SPNS3: variants seen among roughly 807,000 people sequenced by gnomAD.
The protein encoded by SPNS3 is SPNS lysolipid transporter 3, sphingosine-1-phosphate (putative).
SPNS3 carries 51 observed loss-of-function variants against 54.4 expected under a neutral mutation model. The observed-to-expected ratio is 0.94, with a 90% CI of 0.75 to 1.18. The LOEUF (loss-of-function observed/expected upper bound fraction) is 1.18, where lower values mean the gene tolerates loss of function less well. Among genes scored for constraint, SPNS3 ranks in the 50% most tolerant of loss-of-function variants. The pLI, the probability that SPNS3 is intolerant of heterozygous loss-of-function variation, is 0.00. For synonymous variants in SPNS3, 309 were observed against 294.7 expected, an observed-to-expected ratio of 1.05 and a Z score of -0.50; for missense variants, 669 against 677.4, an observed-to-expected ratio of 0.99 and a Z score of 0.14.
At chr17:4,461,019 A>G (rs984277316) in intron 8 of SPNS3, among the ~76,000 whole-genome samples, 12 of 152,150 alleles carry the variant, frequency 7.9e-5, no homozygotes, top group African/African-American at 2.4e-4. Context: ...TGCTAACTCA[A>G]TATTTACTTG....
chr17:4,448,053 C>T, intron 5 of SPNS3, 102 bp from the exon 6 acceptor site: 1 of 1,226,950 alleles, frequency 8.2e-7, no homozygotes, highest in Non-Finnish European at 1.1e-6. Context: ...GCTTGGAAAC[C>T]AGAGGTCAGC....
rs9900971 is a variant in SPNS3, at chr17:4,446,804, C to G, written c.555-92C>G. On this transcript the variant is annotated intron_variant, in intron 4 of 11. Coordinates refer to ENST00000355530, the MANE Select transcript of SPNS3 (RefSeq NM_182538.5). ...CCTGCAGAGAGCCAGCTCCCTGGGG[C>G]GTGGGGGGGGCACCCTGGGTCAGGC... 2.5e-6 allele frequency: 3 copies of G among 1,209,826 alleles called. No individual in the cohort carries two copies. The Admixed American group carries it at 5.2e-5, about 21-fold the overall frequency. The allele number at this position is 1,209,826 out of a possible 1,614,324, so 74.9% of individuals were successfully genotyped here.
intron 2 of SPNS3, among the ~76,000 whole-genome samples, chr17:4,443,317 G>A (rs529489760): frequency 2.6e-5 from 4 of 152,142 alleles, no homozygotes; most frequent in African/African-American, 9.6e-5. Flanking sequence ...GTGATCCACC[G>A]GCCTTGGCTT....
At chr17:4,444,014 T>A (rs1249794847) in intron 2 of SPNS3, among the ~76,000 whole-genome samples, 1 of 152,160 alleles carries the variant, frequency 6.6e-6, no homozygotes, top group Non-Finnish European at 1.5e-5. Context: ...GATGGGAGGA[T>A]GGCTTGAGGC....
chr17:4,438,667 G>A (rs1255018933), intron 1 of SPNS3, among the ~76,000 whole-genome samples: 1 of 152,252 alleles, frequency 6.6e-6, no homozygotes, highest in Non-Finnish European at 1.5e-5. Flanking sequence ...GTCTTTTTAT[G>A]TACATGTTCA....
At chr17:4,478,265 C>T (rs1328823536) in intron 8 of SPNS3, among the ~76,000 whole-genome samples, 1 of 152,080 alleles carries the variant, frequency 6.6e-6, no homozygotes, top group Non-Finnish European at 1.5e-5. Flanking sequence ...AGCCACCGTG[C>T]CTGGCTTAAA....
At position 4,434,102 on chromosome 17, in the gene SPNS3, C is replaced by G; in HGVS notation, c.135C>G (p.Tyr45Ter). ...GGAGCCTGCCCCCGTGGAGGGCCTA[C>G]GTGGCTGCCGCCGTCCTCTGCTACA... The part of the protein sequence containing the change: ...TSWSLPPWRA[Y>*]VAAAVLCYIN... Residue 45 changes from tyrosine to a stop codon, truncating the protein, a stop_gained, in exon 1 of 12, where the codon TAC becomes TAG. Transcript: ENST00000355530. LOFTEE classifies it high-confidence loss of function. 1.9e-6 allele frequency: 3 copies of G among 1,612,402 alleles called. No homozygotes were observed. Among genetic ancestry groups the G allele is most frequent in the Non-Finnish European group, 2.5e-6 (3 of 1,179,314 alleles).
intron 4 of SPNS3, 173 bp from the exon 5 acceptor site, chr17:4,446,723 G>A: frequency 1.6e-6 from 1 of 644,618 alleles, no homozygotes; most frequent in South Asian, 1.7e-5. Context: ...CCTGACCGAG[G>A]GCAGTGGACA....
chr17:4,439,699 A>C lies in SPNS3; in HGVS notation c.241A>C (p.Asn81His). ...DIQEVFQISD[N>H]HAGLLQTVFV... Reference sequence around the variant, plus strand: ...ACAGGAGGTTTTCCAGATCAGTGACAACCATGCTGGTTTGCTTCAGACTGG... The same window carrying C: ...ACAGGAGGTTTTCCAGATCAGTGACCACCATGCTGGTTTGCTTCAGACTGG... The change falls in exon 2 of 12, where the codon AAC (asparagine) becomes CAC (histidine). Residue 81 changes from asparagine (N) to histidine (H), a missense_variant. Physicochemically the swap from Asn to His is moderately conservative, Grantham distance 68 (BLOSUM62 1). Coordinates refer to ENST00000355530, the MANE Select transcript of SPNS3 (RefSeq NM_182538.5). 3 of 1,613,404 alleles carry C rather than the reference A, an allele frequency of 1.9e-6. No individual in the cohort carries two copies. The highest frequency in any genetic ancestry group is 2.5e-6 in the Non-Finnish European group (3 of 1,179,768).
At chr17:4,456,011 C>G (rs948557147) in intron 8 of SPNS3, among the ~76,000 whole-genome samples, 1 of 152,038 alleles carries the variant, frequency 6.6e-6, no homozygotes, top group Non-Finnish European at 1.5e-5. Flanking sequence ...GATGGGGGCT[C>G]TCACTATGTT....
At position 4,453,130 on chromosome 17, in the gene SPNS3, C is replaced by G; in HGVS notation, c.1038C>G (p.Ala346=). 1 of 1,614,116 alleles carries G rather than the reference C, an allele frequency of 6.2e-7. No homozygotes were observed. The highest frequency in any genetic ancestry group is 8.5e-7 in the Non-Finnish European group (1 of 1,180,018). The change falls in exon 8 of 12, where the codon GCC becomes GCG. Residue 346 remains alanine, a synonymous_variant. Coordinates refer to ENST00000355530, the MANE Select transcript of SPNS3 (RefSeq NM_182538.5). The part of the protein sequence containing the change: ...VIPGAEPLIC[A]SSLLATAPCL... ...CAGGAGCTGAGCCCCTCATCTGCGCCTCCAGCCTGCTTGCCACAGCCCCCT... is the reference window on the plus strand; with the variant it reads ...CAGGAGCTGAGCCCCTCATCTGCGCGTCCAGCCTGCTTGCCACAGCCCCCT...
intron 8 of SPNS3, 101 bp downstream of exon 8, chr17:4,453,306 T>C (rs1971219872): frequency 8.9e-7 from 1 of 1,118,094 alleles, no homozygotes; most frequent in Admixed American, 2.3e-5. Context: ...ACAATTATGT[T>C]GATCACTCCT....
chr17:4,447,609 G>A (rs1971033159), intron 5 of SPNS3, among the ~76,000 whole-genome samples: 1 of 152,188 alleles, frequency 6.6e-6, no homozygotes, highest in African/African-American at 2.4e-5. Flanking sequence ...GGAATTTTGG[G>A]GGTGGGGTGG....
rs376740216 is a variant in SPNS3, at chr17:4,446,045, C to T, written c.403-3C>T. 6.2e-7 allele frequency: 1 copy of T among 1,602,632 alleles called. No individual in the cohort carries two copies. The highest frequency in any genetic ancestry group is 8.5e-7 in the Non-Finnish European group (1 of 1,172,036). ...CACCGTGGTCTTGTGCCTGCTCGCC[C>T]AGTATTCTTGGCTCTTCTTCCTGTC... On this transcript the variant is annotated splice_polypyrimidine_tract_variant and splice_region_variant and intron_variant, in intron 3 of 11. Transcript: ENST00000355530.
chr17:4,442,530 C>CA (rs147092893), intron 2 of SPNS3, among the ~76,000 whole-genome samples: 6,122 of 141,640 alleles, frequency 0.043, 307 homozygotes, highest in African/African-American at 0.13. Flanking sequence ...AAGACTGTCT[C>CA]AAAAAAAAAA....
At chr17:4,448,042 G>A in intron 5 of SPNS3, 113 bp from the exon 6 acceptor site, 1 of 1,083,484 alleles carries the variant, frequency 9.2e-7, no homozygotes. Flanking sequence ...CTACCCCCAG[G>A]GCTTGGAAAC....
At chr17:4,437,554 C>A (rs1970744207) in intron 1 of SPNS3, among the ~76,000 whole-genome samples, 1 of 151,696 alleles carries the variant, frequency 6.6e-6, no homozygotes, top group Non-Finnish European at 1.5e-5. Flanking sequence ...GTAATCCCAG[C>A]TACTTGGGAG....
intron 2 of SPNS3, among the ~76,000 whole-genome samples, chr17:4,442,529 TC>T (rs1970878199): frequency 7.3e-6 from 1 of 136,140 alleles, no homozygotes; most frequent in East Asian, 2.0e-4. Flanking sequence ...CAAGACTGTC[TC>T]AAAAAAAAAA....
chr17:4,455,469 G>A (rs1971283811), intron 8 of SPNS3, among the ~76,000 whole-genome samples: 1 of 152,336 alleles, frequency 6.6e-6, no homozygotes, highest in Non-Finnish European at 1.5e-5. Context: ...GGGGTGTGGG[G>A]GGTACTTTGT....
Sources: allele counts gnomAD v4.1 joint callset (sites outside exome capture counted in the v4.1 genomes callset), GRCh38; gene constraint gnomAD v4.1.1; transcripts MANE v1.5; gene names NCBI Gene and HGNC (gene_info 2026-07-23, HGNC 2026-07-21).